The following RIT2 variants were observed in gnomAD, a reference collection of about 807,000 sequenced individuals.
RIT2 encodes GTP-binding protein Rit2.
RIT2 carries 24 observed loss-of-function variants against 23.7 expected under a neutral mutation model. The ratio of observed to expected loss-of-function variants is 1.01; its 90% confidence interval spans 0.73 to 1.43. The LOEUF is 1.43. RIT2 is among the 40% of genes most tolerant of loss of function. The pLI is 0.00. For synonymous variants in RIT2, 107 were observed against 91.1 expected, an observed-to-expected ratio of 1.17 and a Z score of -0.99; for missense variants, 236 against 266.9, an observed-to-expected ratio of 0.88 and a Z score of 0.81.
chr18:42,931,562 C>G (rs1266026897), intron 3 of RIT2, among the ~76,000 whole-genome samples: 1 of 152,148 alleles, frequency 6.6e-6, no homozygotes, highest in Non-Finnish European at 1.5e-5. Flanking sequence ...TTGCCTTCCT[C>G]TTTCTATTTG....
At chr18:42,918,259 G>A (rs1908964069) in intron 4 of RIT2, among the ~76,000 whole-genome samples, 1 of 152,100 alleles carries the variant, frequency 6.6e-6, no homozygotes, top group Non-Finnish European at 1.5e-5. Context: ...TGTAAGCTAA[G>A]GTAACTCAAA....
chr18:42,846,252 G>A (rs1035206992), intron 4 of RIT2, among the ~76,000 whole-genome samples: 5 of 151,422 alleles, frequency 3.3e-5, no homozygotes, highest in Non-Finnish European at 5.9e-5. Flanking sequence ...TTATAACTCA[G>A]CAAAATTTAC....
At chr18:43,008,905 C>A (rs544734166) in intron 2 of RIT2, among the ~76,000 whole-genome samples, 5 of 151,532 alleles carry the variant, frequency 3.3e-5, no homozygotes, top group Non-Finnish European at 7.4e-5. Flanking sequence ...CTCTGTGGAG[C>A]TCAGTTTCCT....
chr18:42,974,553 T>C (rs1237751865), intron 2 of RIT2, among the ~76,000 whole-genome samples: 1 of 151,950 alleles, frequency 6.6e-6, no homozygotes, highest in African/African-American at 2.4e-5. Context: ...TTATTTAACA[T>C]AGTACTAGAA....
intron 4 of RIT2, among the ~76,000 whole-genome samples, chr18:42,803,482 G>A (rs1381224853): frequency 1.3e-5 from 2 of 152,126 alleles, no homozygotes; most frequent in Admixed American, 6.5e-5. Context: ...ATACTATATG[G>A]CCATGTGAGT....
At chr18:43,057,836 A>T (rs532938701) in intron 1 of RIT2, among the ~76,000 whole-genome samples, 138 of 131,016 alleles carry the variant, frequency 1.1e-3, no homozygotes, top group Non-Finnish European at 1.5e-3. Flanking sequence ...GCAGAACAAG[A>T]TGTAGCAAAT....
At chr18:42,752,970 C>T (rs1269997738) in intron 4 of RIT2, among the ~76,000 whole-genome samples, 2 of 152,100 alleles carry the variant, frequency 1.3e-5, no homozygotes, top group Non-Finnish European at 2.9e-5. Context: ...CCCAGGGGTG[C>T]CATCTTTTTA....
At chr18:43,037,000 AT>A (rs1296880078) in intron 1 of RIT2, among the ~76,000 whole-genome samples, 1 of 152,232 alleles carries the variant, frequency 6.6e-6, no homozygotes, top group Non-Finnish European at 1.5e-5. Flanking sequence ...GAAAATTGGC[AT>A]TCTATTATTC....
intron 1 of RIT2, among the ~76,000 whole-genome samples, chr18:43,036,790 G>A (rs1398289862): frequency 1.3e-5 from 2 of 152,086 alleles, no homozygotes; most frequent in African/African-American, 4.8e-5. Context: ...TTTCTTTTGT[G>A]TTTTACAAAG....
In RIT2 at chr18:42,923,147, A is replaced by G. The variant is rs145905063; in HGVS notation, c.426+425T>C. ...AAGTGGCTTTGCCCACATGTGTAGT[A>G]TCTTGGCAGGGACAGCTGTGAGCCT... On this transcript the variant is annotated intron_variant, in intron 4 of 4. Coordinates refer to ENST00000326695, the MANE Select transcript of RIT2 (RefSeq NM_002930.4). Among the ~76,000 whole-genome samples the G allele has an allele frequency of 1.5e-3, 223 of 152,038 alleles. 3 individuals carry two copies. Among genetic ancestry groups the G allele is most frequent in the African/African-American group, 5.2e-3 (216 of 41,476 alleles).
chr18:42,804,469 C>A (rs1905622297), intron 4 of RIT2, among the ~76,000 whole-genome samples: 1 of 149,158 alleles, frequency 6.7e-6, no homozygotes, highest in African/African-American at 2.5e-5. Flanking sequence ...GCAGGAAAAT[C>A]GCTTGAACCC....
At chr18:43,030,255 T>C (rs886877779) in intron 2 of RIT2, among the ~76,000 whole-genome samples, 3 of 152,084 alleles carry the variant, frequency 2.0e-5, no homozygotes, top group Non-Finnish European at 4.4e-5. Context: ...AAAGAGGCGC[T>C]CTTGAGGAAG....
At chr18:43,011,432 G>A (rs900123923) in intron 2 of RIT2, among the ~76,000 whole-genome samples, 2 of 151,718 alleles carry the variant, frequency 1.3e-5, no homozygotes, top group Non-Finnish European at 2.9e-5. Context: ...AGAAGTGGAG[G>A]GGAAGCTGTG....
At chr18:43,039,468 C>T (rs537556200) in intron 1 of RIT2, among the ~76,000 whole-genome samples, 7 of 151,816 alleles carry the variant, frequency 4.6e-5, no homozygotes, top group Non-Finnish European at 1.0e-4. Flanking sequence ...CCTGCCTCAG[C>T]CTCCTGAGTA....
At position 42,923,689 on chromosome 18, in the gene RIT2, G is replaced by A. The variant is rs1909110741; in HGVS notation, c.309C>T (p.Asp103=). Residue 103 remains aspartate (D), a synonymous_variant, in exon 4 of 5, where the codon GAC becomes GAT. Transcript: ENST00000326695. ...TGGCAGCCTCCTGAAATGATTGACG[G>A]TCAGTGACGGAGTAGCAGATGATGA... ...EGFIICYSVT[D]RQSFQEAAKF... 7 of 1,613,096 alleles carry A rather than the reference G, an allele frequency of 4.3e-6. No individual in the cohort carries two copies. The highest frequency in any genetic ancestry group is 5.9e-6 in the Non-Finnish European group (7 of 1,179,616).
chr18:42,893,625 G>T (rs752068278), intron 4 of RIT2, among the ~76,000 whole-genome samples: 1 of 152,080 alleles, frequency 6.6e-6, no homozygotes, highest in Non-Finnish European at 1.5e-5. Context: ...CTAATTTTAG[G>T]ATCTTAAAAA....
chr18:42,872,550 G>A (rs1323051977), intron 4 of RIT2, among the ~76,000 whole-genome samples: 1 of 152,142 alleles, frequency 6.6e-6, no homozygotes, highest in Non-Finnish European at 1.5e-5. Flanking sequence ...GCAATCTGGT[G>A]TCTCAAAAGT....
intron 1 of RIT2, among the ~76,000 whole-genome samples, chr18:43,102,445 CTTTTTTTTT>C (rs200839354): frequency 9.1e-6 from 1 of 109,932 alleles, no homozygotes; most frequent in Non-Finnish European, 1.8e-5. Context: ...TCAGGAAACC[CTTTTTTTTT>C]TTTTTTTTTT....
At chr18:43,050,603 G>A (rs1912357093) in intron 1 of RIT2, among the ~76,000 whole-genome samples, 1 of 151,976 alleles carries the variant, frequency 6.6e-6, no homozygotes, top group South Asian at 2.1e-4. Flanking sequence ...TGGGCCTCAG[G>A]GGCAGGCCTC....
Sources: allele counts gnomAD v4.1 joint callset (sites outside exome capture counted in the v4.1 genomes callset), GRCh38; gene constraint gnomAD v4.1.1; transcripts MANE v1.5; gene names NCBI Gene and HGNC (gene_info 2026-07-23, HGNC 2026-07-21).